KCNH1: variants seen among roughly 807,000 people sequenced by gnomAD.
The protein encoded by KCNH1 is potassium voltage-gated channel subfamily H member 1.
Under a neutral mutation model 69.2 loss-of-function variants are expected in KCNH1, and 27 were observed. That is an observed-to-expected ratio of 0.39 (90% CI 0.29 to 0.54). The LOEUF is 0.54. Ranked by LOEUF, KCNH1 falls within the 20% of genes least tolerant of loss-of-function variation. The pLI is 0.68. For synonymous variants in KCNH1, 456 were observed against 487.7 expected (o/e 0.93, Z 0.86); for missense variants, 798 against 1,261.6 (o/e 0.63, Z 5.57).
chr1:210,973,588 AG>A (rs1178173898), intron 6 of KCNH1, among the ~76,000 whole-genome samples: 1 of 152,202 alleles, frequency 6.6e-6, no homozygotes, highest in Non-Finnish European at 1.5e-5. Context: ...AGGAAGGGAA[AG>A]TCAACTGTAA....
chr1:210,892,490 G>C (rs1358431282), intron 7 of KCNH1, among the ~76,000 whole-genome samples: 3 of 152,126 alleles, frequency 2.0e-5, no homozygotes, highest in African/African-American at 4.8e-5. Context: ...CTCACTGACA[G>C]CTCCCCCACA....
chr1:210,846,371 C>A (rs1338417562), intron 7 of KCNH1, among the ~76,000 whole-genome samples: 1 of 151,874 alleles, frequency 6.6e-6, no homozygotes, highest in Non-Finnish European at 1.5e-5. Flanking sequence ...GGTACTGGTA[C>A]CAAAACAGAG....
At chr1:210,965,878 A>G (rs544333439) in intron 6 of KCNH1, among the ~76,000 whole-genome samples, 1 of 152,180 alleles carries the variant, frequency 6.6e-6, no homozygotes, top group African/African-American at 2.4e-5. Flanking sequence ...ATTAGAAAAA[A>G]ACTACTTTAA....
chr1:211,062,676 C>T lies in KCNH1; in HGVS notation c.558+20104G>A, dbSNP rs141279927. ...ATCTAAATAGATATTTCTCAAAAGA[C>T]GACATACAAATGGCAAAGAGGTATG... On this transcript the variant is annotated intron_variant, in intron 5 of 10. Coordinates refer to ENST00000271751, the MANE Select transcript of KCNH1 (RefSeq NM_172362.3). Among the ~76,000 whole-genome samples the T allele has an allele frequency of 6.3e-3, 966 of 152,152 alleles. 8 individuals carry two copies. The highest frequency in any genetic ancestry group is 4.5e-3 in the Non-Finnish European group (303 of 67,980).
At position 211,035,236 on chromosome 1, in the gene KCNH1, C is replaced by CTTTTT. The variant is rs765170558; in HGVS notation, c.559-15985_559-15981dup. On this transcript the variant is annotated intron_variant, in intron 5 of 10. Transcript: ENST00000271751. ...ATTTAAACCATAGGGTACTGGCATTCTTTTTTTTTTTTTTTTTTTTTTTTT... is the reference window on the plus strand; with the variant it reads ...ATTTAAACCATAGGGTACTGGCATTCTTTTTTTTTTTTTTTTTTTTTTTTTTTTTT... Among the ~76,000 whole-genome samples the CTTTTT allele has an allele frequency of 3.5e-3, 265 of 75,062 alleles. 11 individuals are homozygous for CTTTTT. Among genetic ancestry groups the CTTTTT allele is most frequent in the Non-Finnish European group, 4.3e-3 (183 of 42,400 alleles). 49.2% of individuals were successfully genotyped at this position (75,062 alleles called of 152,430 possible).
rs117503748 is a variant in KCNH1, at chr1:211,111,500, C to T, written c.80-4123G>A. Among the ~76,000 whole-genome samples, 2,251 of 149,596 alleles carry T rather than the reference C, an allele frequency of 0.015. 147 individuals are homozygous for T. The East Asian group carries it at 0.17, about 11-fold the overall frequency. On this transcript the variant is annotated intron_variant, in intron 1 of 10. Coordinates refer to ENST00000271751, the MANE Select transcript of KCNH1 (RefSeq NM_172362.3). ...ATCGTCTGGGAAGTGAGAACGGCCT[C>T]TCCTTGGCCGCCAAACTGCTGGTAA... is the stretch of plus-strand genomic sequence containing the variant.
chr1:210,782,138 A>G (rs942441479), intron 9 of KCNH1, among the ~76,000 whole-genome samples: 1 of 152,046 alleles, frequency 6.6e-6, no homozygotes, highest in Admixed American at 6.5e-5. Context: ...GGAAACACCC[A>G]TCGTAATTGG....
intron 10 of KCNH1, among the ~76,000 whole-genome samples, chr1:210,718,520 TATATATATAAAATATATACA>T (rs1682349929): frequency 3.5e-5 from 3 of 85,708 alleles, no homozygotes; most frequent in African/African-American, 1.3e-4. Flanking sequence ...TACATATATG[TATATATATAAAATATATACA>T]TATATGTATA....
chr1:210,844,407 C>A (rs945997458), intron 7 of KCNH1, among the ~76,000 whole-genome samples: 2 of 152,176 alleles, frequency 1.3e-5, no homozygotes, highest in Non-Finnish European at 2.9e-5. Flanking sequence ...CAAACTAGAA[C>A]TCAGGATTAA....
intron 7 of KCNH1, among the ~76,000 whole-genome samples, chr1:210,885,728 T>C (rs1686589802): frequency 6.6e-6 from 1 of 152,154 alleles, no homozygotes; most frequent in Non-Finnish European, 1.5e-5. Flanking sequence ...CCACCATTAC[T>C]GAGCCTTGAG....
intron 4 of KCNH1, 52 bp downstream of exon 4, chr1:211,090,510 C>T: frequency 1.3e-6 from 2 of 1,519,660 alleles, no homozygotes; most frequent in Non-Finnish European, 8.9e-7. Flanking sequence ...ACAAGAGCCA[C>T]AATAAAGACA....
intron 10 of KCNH1, among the ~76,000 whole-genome samples, chr1:210,693,839 G>A (rs1012661825): frequency 2.6e-5 from 4 of 152,122 alleles, no homozygotes; most frequent in African/African-American, 9.7e-5. Context: ...GTATCCCTGG[G>A]AGACGCATGC....
chr1:210,762,317 G>A (rs1279096425), intron 10 of KCNH1, among the ~76,000 whole-genome samples: 1 of 152,056 alleles, frequency 6.6e-6, no homozygotes, highest in Non-Finnish European at 1.5e-5. Flanking sequence ...AGAGCTAAAG[G>A]AACTAGAAAA....
intron 7 of KCNH1, among the ~76,000 whole-genome samples, chr1:210,843,209 G>C (rs764945351): frequency 1.4e-4 from 22 of 152,166 alleles, no homozygotes; most frequent in Non-Finnish European, 2.2e-4. Context: ...TGCTGCTTAG[G>C]TTGAGTTAAT....
chr1:210,998,273 C>T (rs12126553), intron 6 of KCNH1, among the ~76,000 whole-genome samples: 9,792 of 152,182 alleles, frequency 0.064, 393 homozygotes, highest in East Asian at 0.18. Context: ...ACACATCTCA[C>T]ATGCAGAGAC....
At chr1:211,073,533 T>A (rs1164572311) in intron 5 of KCNH1, among the ~76,000 whole-genome samples, 2 of 152,262 alleles carry the variant, frequency 1.3e-5, no homozygotes, top group East Asian at 3.9e-4. Context: ...CAGGCCACAG[T>A]GGAATTAAAC....
rs117246910 is a variant in KCNH1, at chr1:210,949,331, C to A, written c.1033-29262G>T. ...CATCTTGCTTATTCCTCAGCTTTGG[C>A]ATTTCAAGTTCCTTTCCGATGTCTT... On this transcript the variant is annotated intron_variant, in intron 6 of 10. Transcript: ENST00000271751. Among the ~76,000 whole-genome samples the A allele has an allele frequency of 4.6e-5, 7 of 152,290 alleles. No homozygotes were observed. In the East Asian group the frequency reaches 1.4e-3, roughly 29 times the overall value.
intron 7 of KCNH1, among the ~76,000 whole-genome samples, chr1:210,867,764 C>G (rs1686146893): frequency 6.6e-6 from 1 of 151,956 alleles, no homozygotes; most frequent in South Asian, 2.1e-4. Flanking sequence ...TAAATTAAAT[C>G]CTACAGCATG....
rs369799438 is a variant in KCNH1, at chr1:210,806,863, C to T, written c.1463-2697G>A. Among the ~76,000 whole-genome samples the T allele has an allele frequency of 9.5e-5, 11 of 116,166 alleles. No individual in the cohort carries two copies. The East Asian group carries it at 3.0e-3, about 31-fold the overall frequency. 76.2% of individuals were successfully genotyped at this position (116,166 alleles called of 152,430 possible). A position where few individuals can be genotyped will look rare whatever the true frequency, so the allele number is the denominator to read the frequency against. On this transcript the variant is annotated intron_variant, in intron 7 of 10. Transcript: ENST00000271751. The stretch of plus-strand genomic sequence containing the variant: ...TATATATATATATATATAAATTTGC[C>T]GGGCATGGTGGTGCACACGAGTAGT...
Sources: gnomAD v4.1 joint callset for allele counts (sites outside exome capture counted in the v4.1 genomes callset) on GRCh38, gnomAD v4.1.1 for gene constraint, MANE v1.5 for transcripts, NCBI Gene and HGNC (gene_info 2026-07-23, HGNC 2026-07-21) for gene names.